KCTD3: variants seen among roughly 807,000 people sequenced by gnomAD.
KCTD3 encodes the protein potassium channel tetramerization domain containing 3.
KCTD3 carries 41 observed loss-of-function variants against 85.8 expected under a neutral mutation model. The ratio of observed to expected loss-of-function variants is 0.48; its 90% CI spans 0.37 to 0.62. The LOEUF (loss-of-function observed/expected upper bound fraction) is 0.62, where lower values mean the gene tolerates loss of function less well. Among genes scored for constraint, KCTD3 ranks in the 20% least tolerant of loss-of-function variants. The probability of loss-of-function intolerance (pLI) is 0.00; values close to 1 mark genes in which losing one functional copy is unlikely to be tolerated. For missense variants in KCTD3, 724 were observed against 989.9 expected (o/e 0.73, Z 3.60); for synonymous variants, 338 against 345.4 (o/e 0.98, Z 0.24).
At chr1:215,575,080 C>T (rs1172767928) in intron 3 of KCTD3, among the ~76,000 whole-genome samples, 3 of 152,044 alleles carry the variant, frequency 2.0e-5, no homozygotes, top group Non-Finnish European at 4.4e-5. Context: ...GGTGAAACCC[C>T]CTCTCTACTA....
chr1:215,570,056 G>C (rs1042208191), intron 1 of KCTD3, among the ~76,000 whole-genome samples: 2 of 152,066 alleles, frequency 1.3e-5, no homozygotes, highest in African/African-American at 4.8e-5. Flanking sequence ...CCTGTATCTT[G>C]TACAAAACAC....
At chr1:215,594,107 G>A (rs865990762) in intron 9 of KCTD3, among the ~76,000 whole-genome samples, 3 of 151,984 alleles carry the variant, frequency 2.0e-5, no homozygotes, top group African/African-American at 7.2e-5. Flanking sequence ...TGATCCACCC[G>A]CCCTGGCCTC....
At chr1:215,577,184 A>C (rs760689889) in intron 4 of KCTD3, among the ~76,000 whole-genome samples, 1 of 149,106 alleles carries the variant, frequency 6.7e-6, no homozygotes, top group Admixed American at 6.7e-5. Context: ...TTACATAACT[A>C]TTTTATACAA....
rs571468862 is a variant in KCTD3 at position 215,578,204 on chromosome 1, G to A, written c.397+123G>A. ...TTTGTCTATAAATCTATTAGAAATGGTAAGAACTTTTGATTTTTATAGAAA... is the reference window on the plus strand; with the variant it reads ...TTTGTCTATAAATCTATTAGAAATGATAAGAACTTTTGATTTTTATAGAAA... On this transcript the variant is annotated intron_variant, in intron 6 of 17. Coordinates refer to ENST00000259154, the MANE Select transcript of KCTD3 (RefSeq NM_016121.5). The A allele has an allele frequency of 2.9e-5, 23 of 788,036 alleles. No homozygotes were observed. In the East Asian group the frequency reaches 5.5e-4, roughly 19 times the overall value. 48.8% of individuals were successfully genotyped at this position (788,036 alleles called of 1,614,324 possible).
chr1:215,590,584 T>TTTAA (rs1418575861), intron 9 of KCTD3, among the ~76,000 whole-genome samples: 4 of 152,218 alleles, frequency 2.6e-5, no homozygotes, highest in African/African-American at 9.6e-5. Context: ...TTGATCTACC[T>TTTAA]TTAATGTCTT....
In KCTD3 at chr1:215,612,050, CTCATAA is replaced by C. The variant is rs890284570; in HGVS notation, c.1562+136_1562+141del. 1.4e-4 allele frequency: 89 copies of C among 621,956 alleles called. No individual in the cohort carries two copies. The African/African-American group carries it at 1.5e-3, about 11-fold the overall frequency. The allele number at this position is 621,956 out of a possible 1,614,324, so 38.5% of individuals were successfully genotyped here. On this transcript the variant is annotated intron_variant, in intron 15 of 17. Coordinates refer to ENST00000259154, the MANE Select transcript of KCTD3 (RefSeq NM_016121.5). The stretch of plus-strand genomic sequence containing the variant: ...AATTGTTGGGACAGAAGTCTGTTAT[CTCATAA>C]TCATAACTCAAAATTAAGACAGTAG...
intron 12 of KCTD3, among the ~76,000 whole-genome samples, chr1:215,603,869 T>A (rs991454133): frequency 6.6e-6 from 1 of 152,170 alleles, no homozygotes; most frequent in Non-Finnish European, 1.5e-5. Flanking sequence ...GTGTTATAAT[T>A]ACTGTGATAG....
chr1:215,585,329 A>G lies in KCTD3; in HGVS notation c.627-1166A>G, dbSNP rs1435209023. 4.6e-5 allele frequency among the ~76,000 whole-genome samples: 7 copies of G among 152,294 alleles called. No individual in the cohort carries two copies. The East Asian group carries it at 9.7e-4, about 21-fold the overall frequency. ...AGGAAAAATTGATACATTTTTCTCTATTGCTTTGAAGTTTAGGGAAATCAT... is the reference window on the plus strand; with the variant it reads ...AGGAAAAATTGATACATTTTTCTCTGTTGCTTTGAAGTTTAGGGAAATCAT... On this transcript the variant is annotated intron_variant, in intron 8 of 17. Transcript: ENST00000259154.
At position 215,614,634 on chromosome 1, in the gene KCTD3, G is replaced by A. The variant is rs531207462; in HGVS notation, c.1562+2713G>A. Among the ~76,000 whole-genome samples the A allele has an allele frequency of 1.6e-4, 25 of 152,274 alleles. No homozygotes were observed. In the South Asian group the frequency reaches 5.2e-3, roughly 32 times the overall value. ...GCTCTCAGTTTTAATGTTAATTGGT[G>A]TATAGAAATGCTACTGATTTTTGTA... On this transcript the variant is annotated intron_variant, in intron 15 of 17. Coordinates refer to ENST00000259154, the MANE Select transcript of KCTD3 (RefSeq NM_016121.5).
chr1:215,599,528 C>T (rs539608791), intron 10 of KCTD3, among the ~76,000 whole-genome samples: 1 of 152,040 alleles, frequency 6.6e-6, no homozygotes, highest in South Asian at 2.1e-4. Flanking sequence ...GAGAAAAATC[C>T]ACTTCCATTT....
intron 13 of KCTD3, 120 bp from the exon 14 acceptor site, chr1:215,607,897 A>G: frequency 1.5e-6 from 1 of 654,574 alleles, no homozygotes; most frequent in South Asian, 4.2e-5. Context: ...TATAGTTTTA[A>G]GATAAATATG....
chr1:215,607,243 AATAAC>A (rs1167439006), intron 13 of KCTD3, among the ~76,000 whole-genome samples: 1 of 151,978 alleles, frequency 6.6e-6, no homozygotes, highest in Non-Finnish European at 1.5e-5. Flanking sequence ...CATTGCTAAT[AATAAC>A]ATATTTTCTA....
rs1571865239 is a variant in KCTD3, at chr1:215,567,696, G to A, written c.11G>A (p.Gly4Glu). 1 of 1,240,808 alleles carries A rather than the reference G, an allele frequency of 8.1e-7. No homozygotes were observed. Among genetic ancestry groups the A allele is most frequent in the East Asian group, 3.2e-5 (1 of 31,650 alleles). The allele number at this position is 1,240,808 out of a possible 1,614,324, so 76.9% of individuals were successfully genotyped here. A position where few individuals can be genotyped will look rare whatever the true frequency, so the allele number is the denominator to read the frequency against. Reference protein sequence around the residue: MAGGHCGSFPAAAA... With the variant: MAGEHCGSFPAAAA... The stretch of plus-strand genomic sequence containing the variant: ...CCGGAGCCGCCGGAGATGGCGGGAG[G>A]GCACTGCGGCAGCTTCCCCGCGGCG... The change falls in exon 1 of 18, where the codon GGG becomes GAG. Residue 4 changes from glycine to glutamate, a missense_variant. By Grantham distance (98) the Gly-to-Glu change is moderately conservative (BLOSUM62 -2). Coordinates refer to ENST00000259154, the MANE Select transcript of KCTD3 (RefSeq NM_016121.5).
At chr1:215,613,244 G>GA (rs1655298165) in intron 15 of KCTD3, among the ~76,000 whole-genome samples, 1 of 152,194 alleles carries the variant, frequency 6.6e-6, no homozygotes, top group Non-Finnish European at 1.5e-5. Flanking sequence ...TTATGAATGA[G>GA]ACGGAGTCTT....
At chr1:215,599,039 C>G (rs1189126039) in intron 10 of KCTD3, among the ~76,000 whole-genome samples, 3 of 152,174 alleles carry the variant, frequency 2.0e-5, no homozygotes, top group Non-Finnish European at 4.4e-5. Context: ...GACAGTTTGC[C>G]TGTCATTAGA....
Position 215,611,794 on chromosome 1 carries a change from A to C in KCTD3, c.1466-31A>C, listed in dbSNP as rs368244156. ...AATGAGAAAAAATAAAATTTTAATT[A>C]ATTTTTTGACATTTTTGTTTTCTGA... is the stretch of plus-strand genomic sequence containing the variant. On this transcript the variant is annotated intron_variant, in intron 14 of 17. Transcript: ENST00000259154. 1.4e-5 allele frequency: 20 copies of C among 1,384,218 alleles called. No individual in the cohort carries two copies. In the African/African-American group the frequency reaches 2.3e-4, roughly 16 times the overall value. The allele number at this position is 1,384,218 out of a possible 1,614,324, so 85.7% of individuals were successfully genotyped here.
chr1:215,603,326 A>G (rs1290910598), intron 12 of KCTD3, among the ~76,000 whole-genome samples: 2 of 152,042 alleles, frequency 1.3e-5, no homozygotes, highest in Non-Finnish European at 2.9e-5. Context: ...GTATTTTCAG[A>G]TGAATCAGTT....
At chr1:215,579,665 A>C (rs1291827045) in intron 7 of KCTD3, among the ~76,000 whole-genome samples, 1 of 151,876 alleles carries the variant, frequency 6.6e-6, no homozygotes, top group Non-Finnish European at 1.5e-5. Context: ...TGCCAGACTA[A>C]TTTTTTGTAT....
At chr1:215,615,574 C>T (rs748358448) in intron 15 of KCTD3, among the ~76,000 whole-genome samples, 6 of 150,628 alleles carry the variant, frequency 4.0e-5, no homozygotes, top group Non-Finnish European at 7.4e-5. Context: ...GAGCTGAGAT[C>T]GCGCCACTGC....
Sources: allele counts gnomAD v4.1 joint callset (sites outside exome capture counted in the v4.1 genomes callset), GRCh38; gene constraint gnomAD v4.1.1; transcripts MANE v1.5; gene names NCBI Gene and HGNC (gene_info 2026-07-23, HGNC 2026-07-21).